CHST8: variants seen among roughly 807,000 people sequenced by gnomAD.
CHST8 encodes carbohydrate sulfotransferase 8.
In CHST8, 10 loss-of-function variants were observed where a neutral mutation model predicts 15.0. That is an observed-to-expected ratio of 0.67 (90% CI 0.41 to 1.13). The LOEUF (loss-of-function observed/expected upper bound fraction) is 1.13, where lower values mean the gene tolerates loss of function less well. Among genes scored for constraint, CHST8 ranks in the 50% most tolerant of loss-of-function variants. CHST8 has a pLI of 0.00. For missense variants in CHST8, 634 were observed against 608.2 expected (o/e 1.04, Z -0.45); for synonymous variants, 259 against 256.6 (o/e 1.01, Z -0.09).
intron 3 of CHST8, among the ~76,000 whole-genome samples, chr19:33,770,598 CA>C (rs1445515211): frequency 2.0e-5 from 3 of 152,222 alleles, no homozygotes; most frequent in African/African-American, 7.2e-5. Flanking sequence ...TTCACCTCAC[CA>C]GAGCTTGCTT....
At chr19:33,630,253 TAC>T (rs1176842281) in intron 1 of CHST8, among the ~76,000 whole-genome samples, 14 of 152,208 alleles carry the variant, frequency 9.2e-5, no homozygotes, top group Admixed American at 4.6e-4. Flanking sequence ...ACAAGCAGGT[TAC>T]AGTGTTGGTG....
At chr19:33,678,326 G>A (rs1345971638) in intron 2 of CHST8, among the ~76,000 whole-genome samples, 1 of 152,164 alleles carries the variant, frequency 6.6e-6, no homozygotes, top group Non-Finnish European at 1.5e-5. Flanking sequence ...AATGAGACCT[G>A]TTTTTCCACA....
intron 1 of CHST8, among the ~76,000 whole-genome samples, chr19:33,650,513 CTTTTCT>C (rs1568315039): frequency 4.3e-4 from 16 of 36,860 alleles, no homozygotes; most frequent in East Asian, 3.0e-3. Flanking sequence ...TTTTCTTTTT[CTTTTCT>C]TTTTTTTTTT....
chr19:33,677,332 G>A (rs990741051), intron 2 of CHST8, among the ~76,000 whole-genome samples: 1 of 152,194 alleles, frequency 6.6e-6, no homozygotes, highest in Non-Finnish European at 1.5e-5. Flanking sequence ...TCTTCTGCCT[G>A]TGTCCTTGAG....
intron 3 of CHST8, among the ~76,000 whole-genome samples, chr19:33,759,109 C>T (rs764902233): frequency 2.6e-4 from 40 of 152,286 alleles, no homozygotes; most frequent in Non-Finnish European, 4.4e-4. Context: ...GAAGGATCCC[C>T]CCATGAGCCA....
At chr19:33,727,540 G>C (rs1309744324) in intron 3 of CHST8, among the ~76,000 whole-genome samples, 1 of 152,178 alleles carries the variant, frequency 6.6e-6, no homozygotes, top group Non-Finnish European at 1.5e-5. Flanking sequence ...TTGGGGCTGG[G>C]GCCTCAGCAC....
At chr19:33,768,642 T>G (rs1158927482) in intron 3 of CHST8, among the ~76,000 whole-genome samples, 1 of 151,868 alleles carries the variant, frequency 6.6e-6, no homozygotes, top group East Asian at 1.9e-4. Context: ...TTAGTAGAGA[T>G]CGGGTTTCAC....
chr19:33,748,200 G>A (rs897491655), intron 3 of CHST8, among the ~76,000 whole-genome samples: 4 of 152,182 alleles, frequency 2.6e-5, no homozygotes, highest in Admixed American at 6.5e-5. Flanking sequence ...CCAGGCACTC[G>A]CCAGGCCCAG....
At chr19:33,699,161 A>G (rs1396108743) in intron 3 of CHST8, among the ~76,000 whole-genome samples, 3 of 152,082 alleles carry the variant, frequency 2.0e-5, no homozygotes, top group Non-Finnish European at 4.4e-5. Flanking sequence ...ACAGGGAGAG[A>G]TCTGTACATG....
intron 2 of CHST8, among the ~76,000 whole-genome samples, chr19:33,674,436 G>T (rs1600253022): frequency 6.6e-6 from 1 of 152,196 alleles, no homozygotes; most frequent in East Asian, 1.9e-4. Context: ...CGGCTCCCAT[G>T]CCTGGCTTAA....
intron 1 of CHST8, among the ~76,000 whole-genome samples, chr19:33,625,719 G>A (rs1054820792): frequency 4.6e-5 from 7 of 151,938 alleles, no homozygotes; most frequent in Non-Finnish European, 8.8e-5. Flanking sequence ...AAAATTAGCC[G>A]GGCATGGTGG....
rs57718433 is a variant in CHST8 at position 33,695,821 on chromosome 19, C to CTTTCTT, written c.130+6433_130+6434insCTTTTT. Among the ~76,000 whole-genome samples the CTTTCTT allele has an allele frequency of 3.8e-3, 288 of 76,242 alleles. 2 individuals are homozygous for CTTTCTT. Among genetic ancestry groups the CTTTCTT allele is most frequent in the African/African-American group, 0.015 (250 of 16,136 alleles). The allele number at this position is 76,242 out of a possible 152,430, so 50.0% of individuals were successfully genotyped here. A position where few individuals can be genotyped will look rare whatever the true frequency, so the allele number is the denominator to read the frequency against. On this transcript the variant is annotated intron_variant, in intron 3 of 4. Transcript: ENST00000650847. ...TTTCTTTTTCTTTCTTTCTTTCTTT[C>CTTTCTT]TTTTTTTTTTTTTTTTTTTTTGAGA...
At chr19:33,709,410 GA>G (rs150765405) in intron 3 of CHST8, among the ~76,000 whole-genome samples, 17 of 151,416 alleles carry the variant, frequency 1.1e-4, no homozygotes, top group Admixed American at 6.6e-4. Context: ...TAGTTTATTA[GA>G]AAAAAAAATT....
intron 2 of CHST8, among the ~76,000 whole-genome samples, chr19:33,686,214 A>G (rs1972977280): frequency 6.6e-6 from 1 of 152,118 alleles, no homozygotes; most frequent in Non-Finnish European, 1.5e-5. Context: ...GGAAACGTGA[A>G]CAGATGAAGC....
chr19:33,757,241 T>G (rs1207342792), intron 3 of CHST8, among the ~76,000 whole-genome samples: 2 of 150,936 alleles, frequency 1.3e-5, no homozygotes, highest in African/African-American at 2.4e-5. Flanking sequence ...AACACAAAAT[T>G]TAGCCAGGTG....
At chr19:33,633,774 CGTGT>C (rs55655047) in intron 1 of CHST8, among the ~76,000 whole-genome samples, 15,725 of 141,034 alleles carry the variant, frequency 0.11, 1,013 homozygotes, top group Non-Finnish European at 0.14. Context: ...TTTTCTTTTT[CGTGT>C]GTGTGTGTGT....
At chr19:33,759,318 T>G (rs1243553839) in intron 3 of CHST8, among the ~76,000 whole-genome samples, 1 of 152,238 alleles carries the variant, frequency 6.6e-6, no homozygotes, top group Non-Finnish European at 1.5e-5. Flanking sequence ...CCAAATGAGG[T>G]GCCTTCCTGC....
intron 2 of CHST8, among the ~76,000 whole-genome samples, chr19:33,679,545 G>A (rs966617239): frequency 2.6e-5 from 4 of 152,244 alleles, no homozygotes; most frequent in African/African-American, 9.6e-5. Flanking sequence ...GGCGAAGTGA[G>A]TGTATTTGCT....
intron 3 of CHST8, among the ~76,000 whole-genome samples, chr19:33,722,499 C>T (rs1397377998): frequency 6.6e-6 from 1 of 152,194 alleles, no homozygotes; most frequent in African/African-American, 2.4e-5. Flanking sequence ...GAAAGCTCAA[C>T]ATCATCTCCA....
Sources: allele counts gnomAD v4.1 joint callset (sites outside exome capture counted in the v4.1 genomes callset), GRCh38; gene constraint gnomAD v4.1.1; transcripts MANE v1.5; gene names NCBI Gene and HGNC (gene_info 2026-07-23, HGNC 2026-07-21).